Variants in CELF2 observed in about 807,000 individuals in gnomAD.
The protein encoded by CELF2 is CUG triplet repeat RNA-binding protein 2.
CELF2 carries 8 observed loss-of-function variants against 62.6 expected under a neutral mutation model. The ratio of observed to expected loss-of-function variants is 0.13; its 90% CI spans 0.07 to 0.23. The LOEUF (loss-of-function observed/expected upper bound fraction) is 0.23. Ranked by LOEUF, CELF2 falls within the 10% of genes least tolerant of loss-of-function variation. The pLI is 1.00. For missense variants in CELF2, 333 were observed against 671.0 expected (o/e 0.50, Z 5.56); for synonymous variants, 258 against 250.0 (o/e 1.03, Z -0.30).
the CELF2 span, among the ~76,000 whole-genome samples, chr10:10,493,696 T>C: frequency 6.6e-6 from 1 of 152,020 alleles, no homozygotes; most frequent in African/African-American, 2.4e-5. Context: ...TACATACAGC[T>C]AATTTTTGTA....
chr10:10,894,982 TGAGA>T (rs2062435955), intron 1 of CELF2, among the ~76,000 whole-genome samples: 1 of 152,220 alleles, frequency 6.6e-6, no homozygotes, highest in South Asian at 2.1e-4. Context: ...CCGTATTCAT[TGAGA>T]ATCAAATGTG....
intron 1 of CELF2, among the ~76,000 whole-genome samples, chr10:11,053,568 A>T (rs557746294): frequency 3.3e-5 from 5 of 151,846 alleles, no homozygotes; most frequent in South Asian, 2.1e-4. Context: ...ACATTTTTTA[A>T]AAAAAAAGAC....
At chr10:10,821,275 G>A (rs1394118930) in intron 1 of CELF2, among the ~76,000 whole-genome samples, 1 of 152,152 alleles carries the variant, frequency 6.6e-6, no homozygotes, top group African/African-American at 2.4e-5. Context: ...AATGGCTGGA[G>A]AAATCTTTCT....
rs558344425 is a variant in CELF2 at position 11,224,038 on chromosome 10, G to C, written c.354+6531G>C. On this transcript the variant is annotated intron_variant, in intron 3 of 12. Transcript: ENST00000633077. This position sits in a 1 kb window ranked among gnomAD's most constrained non-coding sequence, Gnocchi z 4.5. ...CGGCTTTGATTAAAATAAAAAACTAGTTATTTTTAAAGCATGGCCTACTCG... is the reference window on the plus strand; with the variant it reads ...CGGCTTTGATTAAAATAAAAAACTACTTATTTTTAAAGCATGGCCTACTCG... Among the ~76,000 whole-genome samples the C allele has an allele frequency of 3.9e-4, 59 of 151,042 alleles. No individual in the cohort carries two copies. Among genetic ancestry groups the C allele is most frequent in the African/African-American group, 1.3e-3 (53 of 40,662 alleles).
chr10:10,988,277 G>T (rs1047635317), intron 2 of CELF2, among the ~76,000 whole-genome samples: 1 of 148,112 alleles, frequency 6.8e-6, no homozygotes, highest in African/African-American at 2.5e-5. Context: ...ATGTGTGTGT[G>T]TATATATATA....
chr10:10,629,007 A>G, the CELF2 span, among the ~76,000 whole-genome samples: 2 of 152,282 alleles, frequency 1.3e-5, no homozygotes, highest in Non-Finnish European at 1.5e-5. Flanking sequence ...TGTTAATCCA[A>G]TTGCATTAAT....
the CELF2 span, among the ~76,000 whole-genome samples, chr10:10,583,669 G>T: frequency 1.3e-5 from 2 of 152,096 alleles, no homozygotes; most frequent in African/African-American, 4.8e-5. Context: ...TTTTCCAAAA[G>T]CCCTTTCCTT....
At chr10:11,052,472 T>G (rs2064143443) in intron 1 of CELF2, among the ~76,000 whole-genome samples, 4 of 152,232 alleles carry the variant, frequency 2.6e-5, no homozygotes, top group South Asian at 2.1e-4. Context: ...GATGCTTGTT[T>G]CCTTAGATGA....
At chr10:10,471,204 G>A in the CELF2 span, among the ~76,000 whole-genome samples, 1 of 151,666 alleles carries the variant, frequency 6.6e-6, no homozygotes, top group Non-Finnish European at 1.5e-5. Context: ...TAAAAAGAAT[G>A]AGTATTCCAC....
the CELF2 span, among the ~76,000 whole-genome samples, chr10:10,512,838 A>C: frequency 1.3e-5 from 2 of 152,144 alleles, no homozygotes; most frequent in African/African-American, 4.8e-5. Flanking sequence ...GCATCAGAAG[A>C]TTTAAAGATT....
At chr10:10,590,980 C>A in the CELF2 span, among the ~76,000 whole-genome samples, 2 of 152,100 alleles carry the variant, frequency 1.3e-5, no homozygotes, top group East Asian at 3.8e-4. Flanking sequence ...CAAATTAAAA[C>A]AATAAAGTAG....
intron 8 of CELF2, among the ~76,000 whole-genome samples, chr10:11,283,929 AGT>A (rs202025852): frequency 6.8e-6 from 1 of 147,208 alleles, no homozygotes; most frequent in Non-Finnish European, 1.5e-5. Context: ...ATGATGGATG[AGT>A]GTGTGGTGGG....
chr10:10,783,470 C>G, the CELF2 span, among the ~76,000 whole-genome samples: 2 of 152,278 alleles, frequency 1.3e-5, no homozygotes, highest in Admixed American at 6.5e-5. Context: ...TCAGAAGGAA[C>G]CAACCCTGCC....
At position 11,332,217 on chromosome 10, in the gene CELF2, T is replaced by C. The variant is rs2096039641; in HGVS notation, c.*3164T>C. The C allele has an allele frequency of 6.6e-6, 1 of 152,232 alleles. No individual in the cohort carries two copies. The highest frequency in any genetic ancestry group is 2.4e-5 in the African/African-American group (1 of 41,454). The allele number at this position is 152,232 out of a possible 1,614,324, so 9.4% of individuals were successfully genotyped here. A position where few individuals can be genotyped will look rare whatever the true frequency, so the allele number is the denominator to read the frequency against. On this transcript the variant is annotated 3_prime_UTR_variant, in exon 13 of 13. Transcript: ENST00000633077. ...TGTATGCTTTTGAGATCACGTTTAG[T>C]GCTATGTCCTAGTCTAGAATATTTT... is the stretch of plus-strand genomic sequence containing the variant.
At chr10:11,067,102 G>A (rs1479826309) in intron 1 of CELF2, among the ~76,000 whole-genome samples, 1 of 152,058 alleles carries the variant, frequency 6.6e-6, no homozygotes, top group South Asian at 2.1e-4. Context: ...GCTTTTTTAT[G>A]TCTTTTAGCG....
chr10:11,286,981 C>G (rs2091468923), intron 8 of CELF2, among the ~76,000 whole-genome samples: 1 of 152,126 alleles, frequency 6.6e-6, no homozygotes. Flanking sequence ...GAAATGCACC[C>G]TGGTTGAGGA....
chr10:11,124,076 A>G (rs1384637370), intron 1 of CELF2, among the ~76,000 whole-genome samples: 2 of 152,176 alleles, frequency 1.3e-5, no homozygotes, highest in Admixed American at 6.5e-5. Flanking sequence ...GTATAAAACC[A>G]TCAGATCTCA....
Position 11,177,865 on chromosome 10 carries a change from G to A in CELF2, c.271+12183G>A, listed in dbSNP as rs973715436. On this transcript the variant is annotated intron_variant, in intron 2 of 12. Coordinates refer to ENST00000633077, the MANE Select transcript of CELF2 (RefSeq NM_001326342.2). The surrounding 1 kb of genome is among the most constrained non-coding windows in gnomAD (Gnocchi z 4.8). The stretch of plus-strand genomic sequence containing the variant: ...TCCCTAACCCCATGGTGGAGGCTGC[G>A]GAGAGTGTTGTAGGCAGTTGCAGTG... Among the ~76,000 whole-genome samples, 3 of 152,214 alleles carry A rather than the reference G, an allele frequency of 2.0e-5. No individual in the cohort carries two copies. The highest frequency in any genetic ancestry group is 6.5e-5 in the Admixed American group (1 of 15,292).
chr10:11,000,336 T>C (rs1482094573), upstream of CELF2, among the ~76,000 whole-genome samples: 1 of 152,238 alleles, frequency 6.6e-6, no homozygotes, highest in Admixed American at 6.5e-5. Flanking sequence ...TCATGATTAC[T>C]CTTTAGAACA....
Sources: allele counts gnomAD v4.1 joint callset (sites outside exome capture counted in the v4.1 genomes callset), GRCh38; gene constraint gnomAD v4.1.1; non-coding constraint Gnocchi (gnomAD v3.1); transcripts MANE v1.5; gene names NCBI Gene and HGNC (gene_info 2026-07-23, HGNC 2026-07-21).